SUMO3: variants seen among roughly 807,000 people sequenced by gnomAD.
The protein encoded by SUMO3 is small ubiquitin like modifier 3.
Under a neutral mutation model 11.1 loss-of-function variants are expected in SUMO3, and 2 were observed. That is an observed-to-expected ratio of 0.18 (90% confidence interval 0.07 to 0.57). The LOEUF (loss-of-function observed/expected upper bound fraction) is 0.57, where lower values mean the gene tolerates loss of function less well. Ranked by LOEUF, SUMO3 falls within the 20% of genes least tolerant of loss-of-function variation. The pLI is 0.92. For synonymous variants in SUMO3, 56 were observed against 53.5 expected, an observed-to-expected ratio of 1.05 and a Z score of -0.20; for missense variants, 70 against 132.8, an observed-to-expected ratio of 0.53 and a Z score of 2.32.
chr21:44,806,854 C>A lies in SUMO3; in HGVS notation c.*97G>T. The A allele has an allele frequency of 6.5e-7, 1 of 1,542,246 alleles. No homozygotes were observed. The highest frequency in any genetic ancestry group is 8.8e-7 in the Non-Finnish European group (1 of 1,138,036). On this transcript the variant is annotated 3_prime_UTR_variant, in exon 4 of 4. Transcript: ENST00000332859. ...GAGGAAAATCATCGTGGTGAATGTCCTCGAGTTTCCGCAGACACCTTTGTG... is the reference window on the plus strand; with the variant it reads ...GAGGAAAATCATCGTGGTGAATGTCATCGAGTTTCCGCAGACACCTTTGTG...
At chr21:44,815,799 A>AGATGGACACCAG (rs59713448) in intron 1 of SUMO3, among the ~76,000 whole-genome samples, 119,554 of 151,960 alleles carry the variant, frequency 0.79, 47,669 homozygotes, top group African/African-American at 0.92. Flanking sequence ...TGCTCCAAAC[A>AGATGGACACCAG]GAATGACGAT....
At chr21:44,817,092 G>A (rs2083249442) in intron 1 of SUMO3, among the ~76,000 whole-genome samples, 1 of 145,488 alleles carries the variant, frequency 6.9e-6, no homozygotes, top group Admixed American at 6.8e-5. Flanking sequence ...GCGCACACCA[G>A]GGACGCGATG....
In SUMO3 at chr21:44,807,047, T is replaced by C. The variant is rs1481606569; in HGVS notation, c.223-7A>G. 7 of 1,613,678 alleles carry C rather than the reference T, an allele frequency of 4.3e-6. No individual in the cohort carries two copies. The highest frequency in any genetic ancestry group is 2.2e-5 in the East Asian group (1 of 44,870). On this transcript the variant is annotated splice_polypyrimidine_tract_variant and splice_region_variant and intron_variant, in intron 3 of 3. Coordinates refer to ENST00000332859, the MANE Select transcript of SUMO3 (RefSeq NM_006936.3). This position sits in a 1 kb window ranked among gnomAD's most constrained non-coding sequence, Gnocchi z 4.3. Reference sequence around the variant, plus strand: ...CCTCGTCCTCCATCTCCAGCTGTCATGGTTGTCACAACAGGCACAGCGAGA... The same window carrying C: ...CCTCGTCCTCCATCTCCAGCTGTCACGGTTGTCACAACAGGCACAGCGAGA...
intron 1 of SUMO3, among the ~76,000 whole-genome samples, chr21:44,814,707 C>T (rs923024467): frequency 6.6e-6 from 1 of 152,230 alleles, no homozygotes; most frequent in Non-Finnish European, 1.5e-5. Flanking sequence ...CCACTCCCCA[C>T]AGCAGGCGGC....
chr21:44,808,657 A>AT (rs1328101030), intron 3 of SUMO3: 4 of 1,379,002 alleles, frequency 2.9e-6, no homozygotes, highest in Non-Finnish European at 3.8e-6. Context: ...GTTATGGCAC[A>AT]TTCTGCCCAC....
intron 2 of SUMO3, 56 bp from the exon 3 acceptor site, chr21:44,809,174 G>C (rs2083195830): frequency 6.4e-7 from 1 of 1,554,000 alleles, no homozygotes; most frequent in East Asian, 2.2e-5. Context: ...GAAAGGAAAA[G>C]CAGTGGCCAT....
In SUMO3 at chr21:44,806,735, C is replaced by T. The variant is rs973201279; in HGVS notation, c.*216G>A. ...CACAATATCTTGCAACTCATTTTACCTGAACAAAGATAACAATTCTGATTG... is the reference window on the plus strand; with the variant it reads ...CACAATATCTTGCAACTCATTTTACTTGAACAAAGATAACAATTCTGATTG... On this transcript the variant is annotated 3_prime_UTR_variant, in exon 4 of 4. Coordinates refer to ENST00000332859, the MANE Select transcript of SUMO3 (RefSeq NM_006936.3). 6.4e-6 allele frequency: 8 copies of T among 1,251,148 alleles called. No homozygotes were observed. Among genetic ancestry groups the T allele is most frequent in the Non-Finnish European group, 7.4e-6 (7 of 950,230 alleles). The allele number at this position is 1,251,148 out of a possible 1,614,324, so 77.5% of individuals were successfully genotyped here. A position where few individuals can be genotyped will look rare whatever the true frequency, so the allele number is the denominator to read the frequency against.
chr21:44,818,037 C>T lies in SUMO3; in HGVS notation c.-69G>A, dbSNP rs984175315. On this transcript the variant is annotated 5_prime_UTR_variant, in exon 1 of 4. Coordinates refer to ENST00000332859, the MANE Select transcript of SUMO3 (RefSeq NM_006936.3). Reference sequence around the variant, plus strand: ...CGGAGCGGGCGAGTCACGCTCTCGGCCCCGCCGCTCTCCCGCCGCAACTGT... The same window carrying T: ...CGGAGCGGGCGAGTCACGCTCTCGGTCCCGCCGCTCTCCCGCCGCAACTGT... 6.2e-6 allele frequency: 7 copies of T among 1,135,110 alleles called. No individual in the cohort carries two copies. The highest frequency in any genetic ancestry group is 7.6e-6 in the Non-Finnish European group (7 of 915,970). The allele number at this position is 1,135,110 out of a possible 1,614,324, so 70.3% of individuals were successfully genotyped here. A position where few individuals can be genotyped will look rare whatever the true frequency, so the allele number is the denominator to read the frequency against.
intron 1 of SUMO3, among the ~76,000 whole-genome samples, chr21:44,817,381 C>T (rs961046022): frequency 6.6e-6 from 1 of 151,608 alleles, no homozygotes; most frequent in African/African-American, 2.4e-5. Flanking sequence ...GGGTGAATAC[C>T]GGGGTCGCGA....
At position 44,810,249 on chromosome 21, in the gene SUMO3, G is replaced by A. The variant is rs138124467; in HGVS notation, c.151-1131C>T. Among the ~76,000 whole-genome samples, 23 of 152,336 alleles carry A rather than the reference G, an allele frequency of 1.5e-4. No individual in the cohort carries two copies. The highest frequency in any genetic ancestry group is 4.1e-4 in the South Asian group (2 of 4,830). ...TAAATGAAAAAGGCACAAACAGGAA[G>A]GACAAAGAAAACGGGAGTGGGGATG... On this transcript the variant is annotated intron_variant, in intron 2 of 3. Coordinates refer to ENST00000332859, the MANE Select transcript of SUMO3 (RefSeq NM_006936.3). This position sits in a 1 kb window ranked among gnomAD's most constrained non-coding sequence, Gnocchi z 4.1.
At position 44,818,039 on chromosome 21, in the gene SUMO3, C is replaced by A. The variant is rs1398049775; in HGVS notation, c.-71G>T. 9.0e-5 allele frequency: 101 copies of A among 1,127,924 alleles called. No individual in the cohort carries two copies. Among genetic ancestry groups the A allele is most frequent in the Non-Finnish European group, 1.1e-4 (98 of 909,640 alleles). 69.9% of individuals were successfully genotyped at this position (1,127,924 alleles called of 1,614,324 possible). A position where few individuals can be genotyped will look rare whatever the true frequency, so the allele number is the denominator to read the frequency against. On this transcript the variant is annotated 5_prime_UTR_variant, in exon 1 of 4. Coordinates refer to ENST00000332859, the MANE Select transcript of SUMO3 (RefSeq NM_006936.3). ...GAGCGGGCGAGTCACGCTCTCGGCC[C>A]CGCCGCTCTCCCGCCGCAACTGTGC...
At chr21:44,813,825 G>T in intron 2 of SUMO3, 151 bp downstream of exon 2, 1 of 1,533,442 alleles carries the variant, frequency 6.5e-7, no homozygotes, top group South Asian at 1.2e-5. Context: ...TAATTTTACA[G>T]CACAAGCCCC....
intron 2 of SUMO3, chr21:44,813,732 GGAA>G (rs754002542): frequency 1.6e-4 from 212 of 1,325,174 alleles, no homozygotes; most frequent in Non-Finnish European, 2.0e-4. Flanking sequence ...CGCCCTGTCA[GGAA>G]GAAAAACCCA....
chr21:44,809,165 A>G, intron 2 of SUMO3, 47 bp from the exon 3 acceptor site: 1 of 1,590,656 alleles, frequency 6.3e-7, no homozygotes, highest in South Asian at 1.1e-5. Flanking sequence ...CAAGCCCTGG[A>G]AAGGAAAAGC....
At position 44,806,883 on chromosome 21, in the gene SUMO3, G is replaced by T; in HGVS notation, c.*68C>A. 1 of 1,593,480 alleles carries T rather than the reference G, an allele frequency of 6.3e-7. No individual in the cohort carries two copies. The highest frequency in any genetic ancestry group is 1.1e-5 in the South Asian group (1 of 89,452). ...AGTTTCCGCAGACACCTTTGTGGTC[G>T]GCATGGTCACGTGCTCACCATTCAA... On this transcript the variant is annotated 3_prime_UTR_variant, in exon 4 of 4. Transcript: ENST00000332859.
chr21:44,806,121 T>C lies in SUMO3; in HGVS notation c.*830A>G, dbSNP rs1050919284. The C allele has an allele frequency of 2.0e-5, 3 of 152,168 alleles. No individual in the cohort carries two copies. Among genetic ancestry groups the C allele is most frequent in the African/African-American group, 7.2e-5 (3 of 41,432 alleles). 9.4% of individuals were successfully genotyped at this position (152,168 alleles called of 1,614,324 possible). On this transcript the variant is annotated 3_prime_UTR_variant, in exon 4 of 4. Coordinates refer to ENST00000332859, the MANE Select transcript of SUMO3 (RefSeq NM_006936.3). ...ACCATAATCATTCATCAGAAGCAAA[T>C]ACTAGAAGAAATCTGAGGCCACAAC...
At chr21:44,816,881 G>T (rs113212756) in intron 1 of SUMO3, among the ~76,000 whole-genome samples, 1 of 115,756 alleles carries the variant, frequency 8.6e-6, no homozygotes, top group Non-Finnish European at 1.8e-5. Context: ...GGAGGGGTGG[G>T]CACACACTAT....
chr21:44,812,650 A>G (rs1422080362), intron 2 of SUMO3, among the ~76,000 whole-genome samples: 1 of 152,226 alleles, frequency 6.6e-6, no homozygotes, highest in East Asian at 1.9e-4. Context: ...CCAAGTTTCT[A>G]GAAGGATTTG....
chr21:44,808,489 T>TG, intron 3 of SUMO3: 1 of 1,447,936 alleles, frequency 6.9e-7, no homozygotes, highest in South Asian at 1.4e-5. Flanking sequence ...CATTCTAGCC[T>TG]GGGCAACAAA....
Sources: allele counts gnomAD v4.1 joint callset (sites outside exome capture counted in the v4.1 genomes callset), GRCh38; gene constraint gnomAD v4.1.1; non-coding constraint Gnocchi (gnomAD v3.1); transcripts MANE v1.5; gene names NCBI Gene and HGNC (gene_info 2026-07-23, HGNC 2026-07-21).